Variants in CEP350 observed in about 807,000 individuals in gnomAD.
CEP350 encodes centrosome-associated protein 350.
In CEP350, 126 loss-of-function variants were observed where a neutral mutation model predicts 331.8. The ratio of observed to expected loss-of-function variants is 0.38; its 90% CI spans 0.33 to 0.44. The LOEUF (loss-of-function observed/expected upper bound fraction) is 0.44. CEP350 is among the 20% of genes least tolerant of loss of function. The probability of loss-of-function intolerance (pLI) is 1.00; values close to 1 mark genes in which losing one functional copy is unlikely to be tolerated. For missense variants in CEP350, 3,406 were observed against 3,634.6 expected (o/e 0.94, Z 1.62); for synonymous variants, 1,200 against 1,259.5 (o/e 0.95, Z 1.00).
intron 5 of CEP350, among the ~76,000 whole-genome samples, chr1:179,993,274 C>A (rs546420108): frequency 1.3e-5 from 2 of 151,782 alleles, no homozygotes; most frequent in Non-Finnish European, 2.9e-5. Context: ...GAAGAATAAT[C>A]GAAGTTTAGA....
chr1:179,968,569 A>T, intron 1 of CEP350: 1 of 330,904 alleles, frequency 3.0e-6, no homozygotes, highest in South Asian at 2.6e-5. Flanking sequence ...TTGAACGTGG[A>T]AGGAGACTTT....
At position 180,087,504 on chromosome 1, in the gene CEP350, AAT is replaced by A. The variant is rs1659936772; in HGVS notation, c.6286-70_6286-69del. ...TTACTGTTTGAGCATTTTACCTTAA[AAT>A]ATACTATTTTATAATTTAAAATAAG... is the stretch of plus-strand genomic sequence containing the variant. On this transcript the variant is annotated intron_variant, in intron 31 of 37. Coordinates refer to ENST00000367607, the MANE Select transcript of CEP350 (RefSeq NM_014810.5). 5 of 1,335,674 alleles carry A rather than the reference AAT, an allele frequency of 3.7e-6. No individual in the cohort carries two copies. The South Asian group carries it at 4.6e-5, about 12-fold the overall frequency. The allele number at this position is 1,335,674 out of a possible 1,614,324, so 82.7% of individuals were successfully genotyped here.
intron 6 of CEP350, among the ~76,000 whole-genome samples, 160 bp downstream of exon 6, chr1:179,997,335 A>G (rs1200259054): frequency 6.6e-6 from 1 of 151,978 alleles, no homozygotes; most frequent in Non-Finnish European, 1.5e-5. Flanking sequence ...AGGTCGGGAG[A>G]TCAAGACCAT....
At chr1:179,958,417 A>C (rs1449284607) in intron 1 of CEP350, among the ~76,000 whole-genome samples, 1 of 152,204 alleles carries the variant, frequency 6.6e-6, no homozygotes, top group Non-Finnish European at 1.5e-5. Flanking sequence ...AACATTTATA[A>C]ATAATTTAAA....
chr1:179,978,102 C>T (rs1652009675), intron 1 of CEP350, among the ~76,000 whole-genome samples: 1 of 152,010 alleles, frequency 6.6e-6, no homozygotes, highest in Non-Finnish European at 1.5e-5. Flanking sequence ...TTTTAAGAGA[C>T]CACTGTCATA....
chr1:180,094,532 G>A lies in CEP350; in HGVS notation c.8427G>A (p.Ser2809=), dbSNP rs766755584. 11 of 1,613,766 alleles carry A rather than the reference G, an allele frequency of 6.8e-6. No individual in the cohort carries two copies. In the East Asian group the frequency reaches 1.1e-4, roughly 16 times the overall value. ...TATCCCAAAATGTTGAGGAACAGTC[G>A]CCAAGTATTTCAGGTTGCTTCTTAA... ...QDLSQNVEEQ[S]PSISGCFLSS... is the part of the protein sequence containing the mutation. Residue 2809 remains serine, a synonymous_variant, in exon 34 of 38, where the codon TCG becomes TCA. Transcript: ENST00000367607.
chr1:179,991,707 G>GTGTGTGTGTGTGTGTGTGTGTATATA (rs1385981536), intron 4 of CEP350, among the ~76,000 whole-genome samples: 1 of 96,942 alleles, frequency 1.0e-5, no homozygotes, highest in African/African-American at 3.8e-5. Context: ...GTGTGTGTGT[G>GTGTGTGTGTGTGTGTGTGTGTATATA]TATATATATA....
intron 7 of CEP350, among the ~76,000 whole-genome samples, chr1:180,005,737 G>A (rs2148766193): frequency 6.6e-6 from 1 of 152,232 alleles, no homozygotes; most frequent in South Asian, 2.1e-4. Flanking sequence ...TCTGACCGTA[G>A]TTCCTACTAA....
intron 27 of CEP350, among the ~76,000 whole-genome samples, chr1:180,073,015 C>G (rs1370216706): frequency 6.6e-6 from 1 of 152,060 alleles, no homozygotes; most frequent in Non-Finnish European, 1.5e-5. Flanking sequence ...ATGTTTTTTC[C>G]TGCTTTTATA....
chr1:180,098,838 T>A, intron 36 of CEP350, 25 bp from the exon 37 acceptor site: 2 of 1,602,024 alleles, frequency 1.2e-6, no homozygotes, highest in South Asian at 1.1e-5. Flanking sequence ...TGTTTGTGTT[T>A]CGTGTATTTG....
chr1:179,990,397 A>G (rs904285760), intron 3 of CEP350, 110 bp from the exon 4 acceptor site: 2 of 458,334 alleles, frequency 4.4e-6, no homozygotes, highest in Admixed American at 4.1e-5. Flanking sequence ...GTTTTTTTCT[A>G]CTTTGGAAAA....
At position 180,042,538 on chromosome 1, in the gene CEP350, C is replaced by G. The variant is rs75589676; in HGVS notation, c.4363-518C>G. Reference sequence around the variant, plus strand: ...TACATTTTAGTATAAAACTGAGTCTCCTTTCTCAAGAAAATTAAAATGTAG... The same window carrying G: ...TACATTTTAGTATAAAACTGAGTCTGCTTTCTCAAGAAAATTAAAATGTAG... On this transcript the variant is annotated intron_variant, in intron 19 of 37. Coordinates refer to ENST00000367607, the MANE Select transcript of CEP350 (RefSeq NM_014810.5). Among the ~76,000 whole-genome samples the G allele has an allele frequency of 4.2e-3, 635 of 152,258 alleles. 2 individuals carry two copies. The highest frequency in any genetic ancestry group is 7.4e-3 in the Non-Finnish European group (502 of 68,008).
chr1:180,023,186 C>T (rs979903063), intron 13 of CEP350, among the ~76,000 whole-genome samples: 4 of 152,052 alleles, frequency 2.6e-5, no homozygotes, highest in Non-Finnish European at 5.9e-5. Context: ...GCACGAAAAT[C>T]GCTTGAACCT....
chr1:179,990,459 A>C (rs1357607644), intron 3 of CEP350, 48 bp from the exon 4 acceptor site: 1 of 959,896 alleles, frequency 1.0e-6, no homozygotes. Context: ...TGGTAGCTGG[A>C]TTATTTACAG....
At position 180,084,061 on chromosome 1, in the gene CEP350, T is replaced by G; in HGVS notation, c.6168T>G (p.Ala2056=). 1 of 1,601,766 alleles carries G rather than the reference T, an allele frequency of 6.2e-7. No homozygotes were observed. Among genetic ancestry groups the G allele is most frequent in the Non-Finnish European group, 8.5e-7 (1 of 1,172,778 alleles). ...DQSDIEGRIR[A]LKDELRKRKS... is the part of the protein sequence containing the mutation. ...GTGATATTGAAGGTAGGATCAGAGCTCTGAAGGATGAGTTGCGGAAAAGAA... is the reference window on the plus strand; with the variant it reads ...GTGATATTGAAGGTAGGATCAGAGCGCTGAAGGATGAGTTGCGGAAAAGAA... Residue 2056 remains alanine, a synonymous_variant, in exon 31 of 38, where the codon GCT becomes GCG. Coordinates refer to ENST00000367607, the MANE Select transcript of CEP350 (RefSeq NM_014810.5).
intron 7 of CEP350, among the ~76,000 whole-genome samples, chr1:180,005,578 A>G (rs1015320376): frequency 2.6e-5 from 4 of 152,082 alleles, no homozygotes; most frequent in African/African-American, 7.2e-5. Context: ...TAATGAGTCT[A>G]TTGTCATAAC....
Position 180,014,349 on chromosome 1 carries a change from C to G in CEP350, c.1896C>G (p.Leu632=). Residue 632 remains leucine (L), a synonymous_variant, in exon 10 of 38, where the codon CTC becomes CTG. Transcript: ENST00000367607. ...TEQKNKRLQE[L]YRKQKEAFTK... is the part of the protein sequence containing the mutation. Reference sequence around the variant, plus strand: ...AGAAAAACAAACGATTACAAGAGCTCTACCGGAAGCAGAAGGAAGCCTTTA... The same window carrying G: ...AGAAAAACAAACGATTACAAGAGCTGTACCGGAAGCAGAAGGAAGCCTTTA... 1.3e-6 allele frequency: 2 copies of G among 1,591,276 alleles called. No individual in the cohort carries two copies. Among genetic ancestry groups the G allele is most frequent in the Admixed American group, 1.8e-5 (1 of 55,694 alleles).
chr1:180,023,756 GGA>G, intron 13 of CEP350, among the ~76,000 whole-genome samples: 1 of 152,186 alleles, frequency 6.6e-6, no homozygotes, highest in East Asian at 1.9e-4. Context: ...AGACTTCGTT[GGA>G]GAGAATTTTC....
chr1:180,016,867 T>A (rs1439145980), intron 11 of CEP350, among the ~76,000 whole-genome samples: 1 of 152,062 alleles, frequency 6.6e-6, no homozygotes, highest in African/African-American at 2.4e-5. Context: ...TTCACCATCT[T>A]GGCCAGGCAG....
Sources: allele counts gnomAD v4.1 joint callset (sites outside exome capture counted in the v4.1 genomes callset), GRCh38; gene constraint gnomAD v4.1.1; transcripts MANE v1.5; gene names NCBI Gene and HGNC (gene_info 2026-07-23, HGNC 2026-07-21).